The following PAXBP1 variants were observed in gnomAD, a reference collection of about 807,000 sequenced individuals.
PAXBP1 encodes the protein PAX3 and PAX7 binding protein 1, also known as PAX3- and PAX7-binding protein 1.
Under a neutral mutation model 119.9 loss-of-function variants are expected in PAXBP1, and 44 were observed. The observed-to-expected ratio is 0.37, with a 90% confidence interval of 0.29 to 0.47. The LOEUF (loss-of-function observed/expected upper bound fraction) is 0.47, where lower values mean the gene tolerates loss of function less well. Ranked by LOEUF, PAXBP1 falls within the 20% of genes least tolerant of loss-of-function variation. The probability of loss-of-function intolerance (pLI) is 0.99; values close to 1 mark genes in which losing one functional copy is unlikely to be tolerated. For synonymous variants in PAXBP1, 393 were observed against 406.6 expected (o/e 0.97, Z 0.40); for missense variants, 898 against 1,134.1 (o/e 0.79, Z 2.99).
At position 32,748,556 on chromosome 21, in the gene PAXBP1, CA is replaced by C. The variant is rs1342710548; in HGVS notation, c.1865del (p.Leu622CysfsTer50). 6.2e-7 allele frequency: 1 copy of C among 1,613,798 alleles called. No individual in the cohort carries two copies. The highest frequency in any genetic ancestry group is 1.3e-5 in the African/African-American group (1 of 74,872). The part of the protein sequence containing the change: ...SYKDAYIGLC[L>X]PKLFNPLIRL... Reference sequence around the variant, plus strand: ...GTATGAGGGGGTTGAATAATTTTGGCAAACAAAGGCCAATGTAAGCATCTTT... The same window carrying C: ...GTATGAGGGGGTTGAATAATTTTGGCAACAAAGGCCAATGTAAGCATCTTT... On this transcript the variant is annotated frameshift_variant, in exon 11 of 18. Coordinates refer to ENST00000331923, the MANE Select transcript of PAXBP1 (RefSeq NM_016631.4). LOFTEE classifies it high-confidence loss of function.
chr21:32,747,267 C>T (rs1156353816), intron 11 of PAXBP1, among the ~76,000 whole-genome samples: 5 of 152,096 alleles, frequency 3.3e-5, no homozygotes, highest in Admixed American at 3.3e-4. Context: ...GGACAAAATA[C>T]AATGGACCAT....
Position 32,739,650 on chromosome 21 carries a change from T to C in PAXBP1, c.2335-1331A>G, listed in dbSNP as rs147315087. On this transcript the variant is annotated intron_variant, in intron 15 of 17. Coordinates refer to ENST00000331923, the MANE Select transcript of PAXBP1 (RefSeq NM_016631.4). Reference sequence around the variant, plus strand: ...GGCCGGGCGCGGTGGCTCACACCTGTAATCCCAGCACTTTGGGAGGCTGAG... The same window carrying C: ...GGCCGGGCGCGGTGGCTCACACCTGCAATCCCAGCACTTTGGGAGGCTGAG... 2.2e-3 allele frequency among the ~76,000 whole-genome samples: 333 copies of C among 152,184 alleles called. 6 individuals carry two copies. The highest frequency in any genetic ancestry group is 0.019 in the South Asian group (91 of 4,820).
At chr21:32,754,674 G>A (rs2044015510) in intron 8 of PAXBP1, among the ~76,000 whole-genome samples, 1 of 152,092 alleles carries the variant, frequency 6.6e-6, no homozygotes, top group Admixed American at 6.6e-5. Flanking sequence ...AAAAAACACA[G>A]TACATAAAGC....
At chr21:32,770,488 A>T (rs899347945) in intron 1 of PAXBP1, among the ~76,000 whole-genome samples, 7 of 152,224 alleles carry the variant, frequency 4.6e-5, no homozygotes, top group Non-Finnish European at 1.5e-5. Flanking sequence ...CCAAATAAAG[A>T]GTAACAGAAA....
At chr21:32,758,515 A>G (rs1243962181) in intron 7 of PAXBP1, among the ~76,000 whole-genome samples, 1 of 151,984 alleles carries the variant, frequency 6.6e-6, no homozygotes, top group African/African-American at 2.4e-5. Flanking sequence ...TATCCTATTG[A>G]AAAAAACAAA....
intron 1 of PAXBP1, 34 bp downstream of exon 1, chr21:32,771,292 G>A (rs549788830): frequency 5.2e-6 from 8 of 1,538,292 alleles, no homozygotes; most frequent in East Asian, 2.6e-5. Flanking sequence ...TCGGGGATGC[G>A]GCCGTCTAAG....
At chr21:32,742,921 G>A (rs528716750) in intron 15 of PAXBP1, 2 of 491,194 alleles carry the variant, frequency 4.1e-6, no homozygotes, top group East Asian at 1.2e-4. Flanking sequence ...GTGGTTTCAG[G>A]TAGCCACTGG....
intron 11 of PAXBP1, 119 bp from the exon 12 acceptor site, chr21:32,745,837 C>A: frequency 8.0e-7 from 1 of 1,251,166 alleles, no homozygotes; most frequent in Non-Finnish European, 1.1e-6. Context: ...AAAAACTGGA[C>A]GGCTGGAGAT....
intron 8 of PAXBP1, among the ~76,000 whole-genome samples, chr21:32,754,544 T>C (rs1416478039): frequency 6.6e-6 from 1 of 152,238 alleles, no homozygotes; most frequent in Non-Finnish European, 1.5e-5. Flanking sequence ...CTGAACTATT[T>C]AACAAGAGGT....
At chr21:32,739,769 G>A (rs1301419634) in intron 15 of PAXBP1, among the ~76,000 whole-genome samples, 1 of 151,282 alleles carries the variant, frequency 6.6e-6, no homozygotes, top group African/African-American at 2.4e-5. Flanking sequence ...AGCCGGGCGT[G>A]GTGGTGGGCG....
chr21:32,769,765 G>C, intron 2 of PAXBP1, 49 bp downstream of exon 2: 1 of 1,581,904 alleles, frequency 6.3e-7, no homozygotes, highest in East Asian at 2.3e-5. Context: ...CTGTGAGAAA[G>C]AGCTTTCATT....
intron 14 of PAXBP1, among the ~76,000 whole-genome samples, 175 bp from the exon 15 acceptor site, chr21:32,743,489 G>A (rs2043820755): frequency 6.6e-6 from 1 of 152,120 alleles, no homozygotes; most frequent in African/African-American, 2.4e-5. Context: ...TTTATTCTGA[G>A]ACACTCAGGG....
chr21:32,755,535 T>C, intron 7 of PAXBP1, 182 bp from the exon 8 acceptor site: 1 of 636,864 alleles, frequency 1.6e-6, no homozygotes, highest in East Asian at 3.2e-5. Context: ...CTTCTTCTTT[T>C]AATCCATGCA....
chr21:32,756,286 G>A (rs1318960244), intron 7 of PAXBP1: 3 of 533,822 alleles, frequency 5.6e-6, no homozygotes, highest in East Asian at 1.1e-4. Flanking sequence ...GTTTCCTGAT[G>A]GTTAGTGCAA....
Position 32,769,829 on chromosome 21 carries a change from T to G in PAXBP1, c.457A>C (p.Asn153His). The change falls in exon 2 of 18, where the codon AAC (asparagine) becomes CAC (histidine). Residue 153 changes from asparagine to histidine, a missense_variant. Physicochemically the swap from Asn to His is moderately conservative, Grantham distance 68. Coordinates refer to ENST00000331923, the MANE Select transcript of PAXBP1 (RefSeq NM_016631.4). ...LEKSKIKTEL[N>H]SSAESEQPLD... The stretch of plus-strand genomic sequence containing the variant: ...TGGTACTTACTTTCAGCTGATGAGT[T>G]GAGTTCTGTCTTAATCTTCGATTTT... 6.2e-7 allele frequency: 1 copy of G among 1,602,202 alleles called. No homozygotes were observed. The highest frequency in any genetic ancestry group is 8.5e-7 in the Non-Finnish European group (1 of 1,177,160).
intron 15 of PAXBP1, among the ~76,000 whole-genome samples, chr21:32,739,289 T>C (rs2043738385): frequency 6.6e-6 from 1 of 152,174 alleles, no homozygotes; most frequent in Non-Finnish European, 1.5e-5. Flanking sequence ...GAAGAGCAGC[T>C]CAAGAGTCAG....
intron 11 of PAXBP1, among the ~76,000 whole-genome samples, chr21:32,746,069 G>C (rs113045801): frequency 1.8e-3 from 271 of 152,282 alleles, no homozygotes; most frequent in Middle Eastern, 6.8e-3. Context: ...GCCATATACA[G>C]AAAATTGAAA....
chr21:32,736,025 A>C (rs577108905), intron 17 of PAXBP1, among the ~76,000 whole-genome samples: 2 of 152,372 alleles, frequency 1.3e-5, no homozygotes, highest in African/African-American at 4.8e-5. Context: ...TTCCAAACAG[A>C]AACACTGTTA....
chr21:32,765,972 T>C (rs1314918875), intron 2 of PAXBP1, among the ~76,000 whole-genome samples: 2 of 152,082 alleles, frequency 1.3e-5, no homozygotes, highest in Non-Finnish European at 2.9e-5. Context: ...CTGTCTCTAC[T>C]AAACATACAA....
Sources: allele counts gnomAD v4.1 joint callset (sites outside exome capture counted in the v4.1 genomes callset), GRCh38; gene constraint gnomAD v4.1.1; transcripts MANE v1.5; gene names NCBI Gene and HGNC (gene_info 2026-07-23, HGNC 2026-07-21).